Variants in DYNLRB2 observed in about 807,000 individuals in gnomAD.
DYNLRB2 encodes bithoraxoid-like protein.
DYNLRB2 carries 14 observed loss-of-function variants against 12.6 expected under a neutral mutation model. The ratio of observed to expected loss-of-function variants is 1.11; its 90% CI spans 0.73 to 1.73. DYNLRB2 has a LOEUF of 1.73. Ranked by LOEUF, DYNLRB2 falls within the 40% of genes most tolerant of loss-of-function variation. The probability of loss-of-function intolerance (pLI) is 0.00; values close to 1 mark genes in which losing one functional copy is unlikely to be tolerated. For synonymous variants in DYNLRB2, 53 were observed against 37.0 expected (o/e 1.43, Z -1.57); for missense variants, 142 against 117.7 (o/e 1.21, Z -0.95).
At chr16:80,542,840 T>G (rs982515792) in intron 1 of DYNLRB2, among the ~76,000 whole-genome samples, 1 of 152,210 alleles carries the variant, frequency 6.6e-6, no homozygotes, top group Non-Finnish European at 1.5e-5. Flanking sequence ...AGGACTACTT[T>G]TAGACAGAGG....
intron 1 of DYNLRB2, 22 bp downstream of exon 1, chr16:80,541,101 A>G: frequency 6.3e-7 from 1 of 1,593,428 alleles, no homozygotes; most frequent in African/African-American, 1.3e-5. Context: ...GTCTCCGTCC[A>G]CGCCCCGCCG....
Position 80,543,370 on chromosome 16 carries a change from G to C in DYNLRB2, c.79+19G>C, listed in dbSNP as rs767688367. The C allele has an allele frequency of 6.2e-7, 1 of 1,613,212 alleles. No homozygotes were observed. The highest frequency in any genetic ancestry group is 8.5e-7 in the Non-Finnish European group (1 of 1,179,438). ...GCAGAAGGTAAATATATCACAGGCT[G>C]TCTTCTTGACACACAGAAGCCAACC... On this transcript the variant is annotated intron_variant, in intron 2 of 3. Coordinates refer to ENST00000305904, the MANE Select transcript of DYNLRB2 (RefSeq NM_130897.3).
Position 80,550,791 on chromosome 16 carries a change from C to G in DYNLRB2, c.*233C>G, listed in dbSNP as rs940760477. On this transcript the variant is annotated 3_prime_UTR_variant, in exon 4 of 4. Transcript: ENST00000305904. ...TACGTCTCTATTGTCTTATAATACA[C>G]AAAACCAAGGATTCTACTAAGACAG... 9.1e-5 allele frequency: 49 copies of G among 535,688 alleles called. No homozygotes were observed. The Admixed American group carries it at 1.6e-3, about 18-fold the overall frequency. 33.2% of individuals were successfully genotyped at this position (535,688 alleles called of 1,614,324 possible).
intron 1 of DYNLRB2, chr16:80,541,376 G>C (rs952770301): frequency 3.0e-6 from 3 of 984,650 alleles, no homozygotes; most frequent in Non-Finnish European, 3.6e-6. Context: ...TCAGGGGAGT[G>C]AGAAATCCGG....
At chr16:80,549,147 C>T (rs1167328905) in intron 2 of DYNLRB2, 3 of 382,192 alleles carry the variant, frequency 7.8e-6, no homozygotes, top group African/African-American at 6.3e-5. Flanking sequence ...AATGACCAAA[C>T]AATAGGAGAT....
At chr16:80,540,967 G>A, upstream of DYNLRB2, 2 of 1,564,176 alleles carry the variant, frequency 1.3e-6, no homozygotes. Context: ...CAGCCCTGAC[G>A]CTTCCGTGGG....
intron 2 of DYNLRB2, chr16:80,547,662 G>A (rs1331572746): frequency 1.7e-5 from 7 of 423,472 alleles, no homozygotes; most frequent in South Asian, 3.4e-5. Context: ...CCCTTAGTAG[G>A]TAGTCACTAC....
At chr16:80,548,822 A>G in intron 2 of DYNLRB2, 1 of 398,074 alleles carries the variant, frequency 2.5e-6, no homozygotes, top group Non-Finnish European at 5.2e-6. Context: ...CAAAACTACA[A>G]TATCCTTATT....
intron 1 of DYNLRB2, 46 bp from the exon 2 acceptor site, chr16:80,543,230 T>C (rs773061156): frequency 4.1e-5 from 66 of 1,594,984 alleles, no homozygotes; most frequent in Non-Finnish European, 5.4e-5. Flanking sequence ...AGGGTTGAAG[T>C]TACCACAGGG....
intron 2 of DYNLRB2, 86 bp from the exon 3 acceptor site, chr16:80,549,398 C>A (rs2070352919): frequency 7.7e-7 from 1 of 1,303,114 alleles, no homozygotes; most frequent in Non-Finnish European, 1.0e-6. Context: ...TTCTTTACAA[C>A]TATCAGTGTT....
chr16:80,546,061 T>A (rs1208667253), intron 2 of DYNLRB2, among the ~76,000 whole-genome samples: 1 of 152,180 alleles, frequency 6.6e-6, no homozygotes, highest in Non-Finnish European at 1.5e-5. Context: ...ACTTAAGAGT[T>A]TTTACCTGAA....
chr16:80,550,357 T>C (rs1332251524), intron 3 of DYNLRB2, among the ~76,000 whole-genome samples, 158 bp from the exon 4 acceptor site: 1 of 152,214 alleles, frequency 6.6e-6, no homozygotes, highest in East Asian at 1.9e-4. Flanking sequence ...GGGTATTTTC[T>C]AAAGACTGAA....
In DYNLRB2 at chr16:80,542,680, A is replaced by G. The variant is rs148759705; in HGVS notation, c.4-596A>G. Among the ~76,000 whole-genome samples the G allele has an allele frequency of 4.0e-3, 617 of 152,354 alleles. 3 individuals are homozygous for G. The highest frequency in any genetic ancestry group is 0.014 in the Middle Eastern group (4 of 294). On this transcript the variant is annotated intron_variant, in intron 1 of 3. Transcript: ENST00000305904. ...ATAATAGATTCCAGAATAATCACTCATAGTTGAACATTCAGCTTGCACTGA... is the reference window on the plus strand; with the variant it reads ...ATAATAGATTCCAGAATAATCACTCGTAGTTGAACATTCAGCTTGCACTGA...
chr16:80,542,111 A>G (rs1904293460), intron 1 of DYNLRB2, among the ~76,000 whole-genome samples: 1 of 152,176 alleles, frequency 6.6e-6, no homozygotes, highest in African/African-American at 2.4e-5. Flanking sequence ...TCAGGCTCAG[A>G]GCTTTCATTG....
At position 80,547,837 on chromosome 16, in the gene DYNLRB2, AG is replaced by A. The variant is rs377133340; in HGVS notation, c.80-1646del. On this transcript the variant is annotated intron_variant, in intron 2 of 3. Coordinates refer to ENST00000305904, the MANE Select transcript of DYNLRB2 (RefSeq NM_130897.3). ...AAAGTGGCCAACAAATCACAATAAA[AG>A]ATTAGCAAGGTTTTTATTATGCTTT... 186 of 456,650 alleles carry A rather than the reference AG, an allele frequency of 4.1e-4. 1 individual carries two copies. The highest frequency in any genetic ancestry group is 3.4e-3 in the African/African-American group (172 of 50,190). 28.3% of individuals were successfully genotyped at this position (456,650 alleles called of 1,614,324 possible).
chr16:80,549,526 A>C lies in DYNLRB2; in HGVS notation c.122A>C (p.Gln41Pro). The C allele has an allele frequency of 6.2e-7, 1 of 1,612,974 alleles. No homozygotes were observed. Among genetic ancestry groups the C allele is most frequent in the Non-Finnish European group, 8.5e-7 (1 of 1,179,236 alleles). Reference sequence around the variant, plus strand: ...ACCTTGGACAACTCAACAACTGTTCAATATGCAGGCCTTCTTCATCACCTG... The same window carrying C: ...ACCTTGGACAACTCAACAACTGTTCCATATGCAGGCCTTCTTCATCACCTG... Reference protein sequence around the residue: ...RTTLDNSTTVQYAGLLHHLTM... With the variant: ...RTTLDNSTTVPYAGLLHHLTM... Residue 41 changes from glutamine to proline, a missense_variant, in exon 3 of 4, where the codon CAA becomes CCA. Gln to Pro is a moderately conservative substitution (Grantham distance 76). Coordinates refer to ENST00000305904, the MANE Select transcript of DYNLRB2 (RefSeq NM_130897.3).
At chr16:80,543,654 C>T (rs757613721) in intron 2 of DYNLRB2, among the ~76,000 whole-genome samples, 7 of 152,060 alleles carry the variant, frequency 4.6e-5, no homozygotes, top group Non-Finnish European at 5.9e-5. Flanking sequence ...TCAGAAGTGC[C>T]AATAAAACTA....
chr16:80,549,063 T>A (rs1904669880), intron 2 of DYNLRB2: 1 of 452,930 alleles, frequency 2.2e-6, no homozygotes, highest in African/African-American at 2.0e-5. Flanking sequence ...AGTAGTCAGT[T>A]AATGGCTTCT....
At position 80,550,612 on chromosome 16, in the gene DYNLRB2, T is replaced by G; in HGVS notation, c.*54T>G. On this transcript the variant is annotated 3_prime_UTR_variant, in exon 4 of 4. Transcript: ENST00000305904. ...ACACTGGGTTGGAAACACTTGGCTC[T>G]CTCATGAGTATTAAAATTCTATTTC... 6.3e-7 allele frequency: 1 copy of G among 1,579,340 alleles called. No homozygotes were observed. Among genetic ancestry groups the G allele is most frequent in the South Asian group, 1.1e-5 (1 of 90,014 alleles).
Sources: allele counts gnomAD v4.1 joint callset (sites outside exome capture counted in the v4.1 genomes callset), GRCh38; gene constraint gnomAD v4.1.1; transcripts MANE v1.5; gene names NCBI Gene and HGNC (gene_info 2026-07-23, HGNC 2026-07-21).